The following ARHGAP24 variants were observed in gnomAD, a reference collection of about 807,000 sequenced individuals.
ARHGAP24 encodes Rho GTPase activating protein 24, also known as rho GTPase-activating protein 24.
ARHGAP24 carries 50 observed loss-of-function variants against 76.4 expected under a neutral mutation model. The observed-to-expected ratio is 0.65, with a 90% CI of 0.52 to 0.83. The LOEUF is 0.83. Ranked by LOEUF, ARHGAP24 falls within the 40% of genes least tolerant of loss-of-function variation. ARHGAP24 has a pLI of 0.00. For synonymous variants in ARHGAP24, 345 were observed against 323.3 expected (o/e 1.07, Z -0.72); for missense variants, 930 against 914.2 (o/e 1.02, Z -0.22).
At chr4:85,503,954 C>A (rs28814360) in intron 1 of ARHGAP24, among the ~76,000 whole-genome samples, 3,513 of 152,278 alleles carry the variant, frequency 0.023, 144 homozygotes, top group African/African-American at 0.08. Context: ...ATCTTTATTT[C>A]TGCCTTCATT....
chr4:85,628,632 T>C (rs997395241), intron 2 of ARHGAP24, among the ~76,000 whole-genome samples: 4 of 152,200 alleles, frequency 2.6e-5, no homozygotes, highest in Non-Finnish European at 5.9e-5. Context: ...TTGCTGTCTA[T>C]TTATCTCTTC....
intron 2 of ARHGAP24, among the ~76,000 whole-genome samples, chr4:85,594,907 A>C (rs1025198338): frequency 6.6e-6 from 1 of 152,076 alleles, no homozygotes; most frequent in Admixed American, 6.6e-5. Flanking sequence ...TAGGGAAGTA[A>C]TGTAGTCTAT....
chr4:85,664,867 G>A (rs1201642031), intron 2 of ARHGAP24, among the ~76,000 whole-genome samples: 3 of 152,064 alleles, frequency 2.0e-5, no homozygotes, highest in Non-Finnish European at 2.9e-5. Flanking sequence ...ATTGCACTGT[G>A]GTCTGAGAGA....
chr4:85,619,765 G>A (rs182468249), intron 2 of ARHGAP24, among the ~76,000 whole-genome samples: 283 of 151,942 alleles, frequency 1.9e-3, no homozygotes, highest in African/African-American at 6.7e-3. Flanking sequence ...TATTGTTAGT[G>A]TATAGAAACA....
rs948595423 is a variant in ARHGAP24 at position 85,971,403 on chromosome 4, C to T, written c.600-633C>T. 1.7e-4 allele frequency among the ~76,000 whole-genome samples: 26 copies of T among 152,102 alleles called. 1 individual carries two copies. The highest frequency in any genetic ancestry group is 7.4e-5 in the Non-Finnish European group (5 of 68,014). Reference sequence around the variant, plus strand: ...TTCTCATTGTTTTCTTAAGTTAACACCTTTGCTTACCATCAAATACACATA... The same window carrying T: ...TTCTCATTGTTTTCTTAAGTTAACATCTTTGCTTACCATCAAATACACATA... On this transcript the variant is annotated intron_variant, in intron 5 of 9. Coordinates refer to ENST00000395184, the MANE Select transcript of ARHGAP24 (RefSeq NM_001025616.3).
chr4:85,519,314 A>G (rs1724646845), intron 1 of ARHGAP24, among the ~76,000 whole-genome samples: 1 of 152,144 alleles, frequency 6.6e-6, no homozygotes. Context: ...CACATTTATT[A>G]TACCACTATC....
intron 3 of ARHGAP24, among the ~76,000 whole-genome samples, chr4:85,885,311 T>C (rs896478980): frequency 6.6e-6 from 1 of 152,122 alleles, no homozygotes; most frequent in African/African-American, 2.4e-5. Flanking sequence ...TATATTTGCT[T>C]CTGGAAACTT....
chr4:85,889,334 C>T (rs1206481928), intron 3 of ARHGAP24, among the ~76,000 whole-genome samples: 2 of 152,176 alleles, frequency 1.3e-5, no homozygotes, highest in East Asian at 1.9e-4. Flanking sequence ...CTACATGTGT[C>T]ACCTGTTAGT....
At chr4:85,894,971 AAAAAAAAAAAAAAAAAACAAAAC>A (rs1734066498) in intron 3 of ARHGAP24, among the ~76,000 whole-genome samples, 3 of 38,384 alleles carry the variant, frequency 7.8e-5, no homozygotes, top group African/African-American at 1.3e-4. Context: ...AAAAAAAAAA[AAAAAAAAAAAAAAAAAACAAAAC>A]AAAAAGCAAA....
intron 1 of ARHGAP24, among the ~76,000 whole-genome samples, chr4:85,518,890 G>A (rs1329152196): frequency 6.6e-6 from 1 of 152,096 alleles, no homozygotes; most frequent in Non-Finnish European, 1.5e-5. Flanking sequence ...CTAGTGGTGG[G>A]ATTGCTGGAT....
chr4:85,669,619 A>G (rs1351729900), intron 2 of ARHGAP24, among the ~76,000 whole-genome samples: 7 of 143,540 alleles, frequency 4.9e-5, no homozygotes, highest in Non-Finnish European at 9.1e-5. Context: ...GTTACAGGGT[A>G]GACTGCATTG....
At chr4:85,894,990 AAAACAAAAAGC>A (rs1560701707) in intron 3 of ARHGAP24, among the ~76,000 whole-genome samples, 9 of 12,962 alleles carry the variant, frequency 6.9e-4, no homozygotes, top group Non-Finnish European at 8.9e-4. Context: ...AAAAAAAAAC[AAAACAAAAAGC>A]AAAAAAAAAA....
intron 1 of ARHGAP24, among the ~76,000 whole-genome samples, chr4:85,556,966 G>A (rs1441286021): frequency 6.6e-5 from 10 of 152,220 alleles, no homozygotes; most frequent in African/African-American, 2.4e-4. Context: ...GACCTATGTG[G>A]AACACAGTCT....
chr4:85,626,253 T>G (rs541147168), intron 2 of ARHGAP24, among the ~76,000 whole-genome samples: 4 of 152,344 alleles, frequency 2.6e-5, no homozygotes, highest in Admixed American at 2.0e-4. Context: ...GGAGCTCTTT[T>G]AGGGCAGGCC....
intron 2 of ARHGAP24, among the ~76,000 whole-genome samples, chr4:85,576,461 A>G (rs2904069): frequency 0.75 from 113,148 of 151,816 alleles, 43,695 homozygotes; most frequent in Non-Finnish European, 0.85. Context: ...CTAATTTTAT[A>G]TATTTAATGA....
chr4:85,925,953 A>G (rs1028127339), intron 4 of ARHGAP24, among the ~76,000 whole-genome samples: 3 of 152,162 alleles, frequency 2.0e-5, no homozygotes, highest in African/African-American at 4.8e-5. Flanking sequence ...AGAATCTTTA[A>G]TATCTACTGA....
chr4:85,932,304 A>G (rs1430723561), intron 4 of ARHGAP24, among the ~76,000 whole-genome samples: 1 of 152,210 alleles, frequency 6.6e-6, no homozygotes, highest in African/African-American at 2.4e-5. Context: ...TGCTTAAAGG[A>G]TAGTTTCCCC....
chr4:85,914,043 A>G (rs1735228581), intron 3 of ARHGAP24, among the ~76,000 whole-genome samples: 1 of 152,220 alleles, frequency 6.6e-6, no homozygotes, highest in South Asian at 2.1e-4. Context: ...GGTATCTTCA[A>G]TACATGAAGC....
rs866723517 is a variant in ARHGAP24 at position 85,590,217 on chromosome 4, C to A, written c.180+19496C>A. Among the ~76,000 whole-genome samples, 3 of 148,410 alleles carry A rather than the reference C, an allele frequency of 2.0e-5. No individual in the cohort carries two copies. The East Asian group carries it at 5.9e-4, about 29-fold the overall frequency. ...GCCTTCCTTCCTTCCTTCCTTCCTT[C>A]CTTCCTTCCTTCCTTCCTTCCTTCC... On this transcript the variant is annotated intron_variant, in intron 2 of 9. Coordinates refer to ENST00000395184, the MANE Select transcript of ARHGAP24 (RefSeq NM_001025616.3).
Sources: allele counts gnomAD v4.1 joint callset (sites outside exome capture counted in the v4.1 genomes callset), GRCh38; gene constraint gnomAD v4.1.1; transcripts MANE v1.5; gene names NCBI Gene and HGNC (gene_info 2026-07-23, HGNC 2026-07-21).